The following POM121 variants were observed in gnomAD, a reference collection of about 807,000 sequenced individuals.
POM121 encodes nuclear envelope pore membrane protein POM 121.
A neutral mutation model predicts 81.3 loss-of-function variants in POM121; 32 were observed. The ratio of observed to expected loss-of-function variants is 0.39; its 90% confidence interval spans 0.30 to 0.53. POM121 has a LOEUF of 0.53. Ranked by LOEUF, POM121 falls within the 20% of genes least tolerant of loss-of-function variation. The pLI, the probability that POM121 is intolerant of heterozygous loss-of-function variation, is 0.66. For missense variants in POM121, 1,138 were observed against 1,614.6 expected (o/e 0.70, Z 5.06); for synonymous variants, 514 against 694.2 (o/e 0.74, Z 4.08).
chr7:72,928,506 A>C, intron 4 of POM121, 41 bp downstream of exon 4: 1 of 1,592,982 alleles, frequency 6.3e-7, no homozygotes, highest in Non-Finnish European at 8.6e-7. Flanking sequence ...AACTGTTTGG[A>C]AAAAGGCCTG....
At chr7:72,904,818 A>C (rs1389765408) in intron 3 of POM121, among the ~76,000 whole-genome samples, 1 of 152,174 alleles carries the variant, frequency 6.6e-6, no homozygotes, top group Non-Finnish European at 1.5e-5. Context: ...GGACACTTAC[A>C]ATCATGGTGG....
At chr7:72,933,632 G>A (rs1222511679) in intron 5 of POM121, among the ~76,000 whole-genome samples, 1 of 152,192 alleles carries the variant, frequency 6.6e-6, no homozygotes, top group Non-Finnish European at 1.5e-5. Flanking sequence ...AGTGTCAGTT[G>A]GTACAGCTCT....
rs1427887978 is a variant in POM121, at chr7:72,928,422, G to C, written c.1060G>C (p.Glu354Gln). 2 of 1,614,116 alleles carry C rather than the reference G, an allele frequency of 1.2e-6. No individual in the cohort carries two copies. Among genetic ancestry groups the C allele is most frequent in the Non-Finnish European group, 8.5e-7 (1 of 1,180,042 alleles). ...CAGTGGCAGTGGACATTCAGCATTT[G>C]AGCCCCTGGTGGCCAATGGAGTCCC... The part of the protein sequence containing the change: ...DSSGSGHSAF[E>Q]PLVANGVPAS... Residue 354 changes from glutamate to glutamine, a missense_variant, in exon 4 of 13, where the codon GAG (glutamate) becomes CAG (glutamine). Glu to Gln is a conservative substitution (Grantham distance 29). Around this residue, in one of 7 missense-constraint regions of POM121, gnomAD observed 646 missense variants for 633.5 expected, o/e 1.02. Transcript: ENST00000434423.
chr7:72,923,320 A>G (rs1795005341), upstream of POM121, among the ~76,000 whole-genome samples: 1 of 152,040 alleles, frequency 6.6e-6, no homozygotes, highest in South Asian at 2.1e-4. Flanking sequence ...ATACTGAACA[A>G]TTCCATCTCT....
In POM121 at chr7:72,945,724, C is replaced by T; in HGVS notation, c.3652+16C>T. On this transcript the variant is annotated intron_variant, in intron 12 of 12. Transcript: ENST00000434423. ...GCACCTTTCGGTAAGCAGCAAGCCA[C>T]CCTGTGGCCCTGCTCATCTGTCTGA... 2 of 1,605,412 alleles carry T rather than the reference C, an allele frequency of 1.2e-6. No individual in the cohort carries two copies. Among genetic ancestry groups the T allele is most frequent in the Non-Finnish European group, 1.7e-6 (2 of 1,175,818 alleles).
In POM121 at chr7:72,938,991, G is replaced by A. The variant is rs189348252; in HGVS notation, c.1367+310G>A. On this transcript the variant is annotated intron_variant, in intron 6 of 12. Transcript: ENST00000434423. ...AGCGGGCAGTCGCCTTCAGGTTCTT[G>A]ACTCGAGCTGACCCCCTAGGTGCTT... is the stretch of plus-strand genomic sequence containing the variant. Among the ~76,000 whole-genome samples, 334 of 152,320 alleles carry A rather than the reference G, an allele frequency of 2.2e-3. 2 individuals are homozygous for A. The highest frequency in any genetic ancestry group is 7.0e-3 in the African/African-American group (292 of 41,568).
chr7:72,938,749 C>T (rs369132294), intron 6 of POM121, 68 bp downstream of exon 6: 11 of 1,524,356 alleles, frequency 7.2e-6, no homozygotes, highest in South Asian at 5.6e-5. Flanking sequence ...AGGTGGGAAA[C>T]GAACCTGGCT....
intron 4 of POM121, among the ~76,000 whole-genome samples, chr7:72,915,042 G>A (rs1464966150): frequency 6.6e-6 from 1 of 152,092 alleles, no homozygotes; most frequent in Non-Finnish European, 1.5e-5. Flanking sequence ...GAGGCTTAGG[G>A]GCTCCAAACA....
At chr7:72,894,624 GAGGAGA>G (rs1383795493) in intron 3 of POM121, among the ~76,000 whole-genome samples, 2 of 102,918 alleles carry the variant, frequency 1.9e-5, no homozygotes, top group Admixed American at 2.4e-4. Flanking sequence ...ATGAGAGAGA[GAGGAGA>G]GAGAGAGAGA....
Position 72,939,331 on chromosome 7 carries a change from G to C in POM121, c.1368-5G>C. ...TAGACTAAATTGTTCCTTTTTTCCT[G>C]ACAGAGAAGAGGAGCTGTGTCATCA... On this transcript the variant is annotated splice_region_variant and splice_polypyrimidine_tract_variant and intron_variant, in intron 6 of 12. Coordinates refer to ENST00000434423, the MANE Select transcript of POM121 (RefSeq NM_001387691.1). 6.2e-7 allele frequency: 1 copy of C among 1,613,000 alleles called. No individual in the cohort carries two copies. The highest frequency in any genetic ancestry group is 8.5e-7 in the Non-Finnish European group (1 of 1,179,586).
In POM121 at chr7:72,930,103, A is replaced by G. The variant is rs782303487; in HGVS notation, c.1267A>G (p.Ile423Val). ...ITSSYSSTRG[I>V]SQLWKRNGPS... ...CAGTTCCTACAGCTCCACTCGAGGCATCTCACAGGTACAAGTACAGCTCTT... is the reference window on the plus strand; with the variant it reads ...CAGTTCCTACAGCTCCACTCGAGGCGTCTCACAGGTACAAGTACAGCTCTT... Residue 423 changes from isoleucine (I) to valine (V), a missense_variant, in exon 5 of 13, where the codon ATC becomes GTC. Ile to Val is a conservative substitution (Grantham distance 29, BLOSUM62 3). This residue lies in a region of POM121 where 646 missense variants were observed against 633.5 expected (regional missense o/e 1.02). Coordinates refer to ENST00000434423, the MANE Select transcript of POM121 (RefSeq NM_001387691.1). The G allele has an allele frequency of 1.2e-5, 19 of 1,610,136 alleles. No individual in the cohort carries two copies. Among genetic ancestry groups the G allele is most frequent in the Non-Finnish European group, 3.4e-6 (4 of 1,178,316 alleles).
downstream of POM121, chr7:72,949,758 A>T: frequency 1.2e-6 from 1 of 860,168 alleles, no homozygotes; most frequent in Non-Finnish European, 2.0e-6. Flanking sequence ...GGAAAGAGTT[A>T]AGCGAAAGTC....
intron 1 of POM121, among the ~76,000 whole-genome samples, chr7:72,880,098 C>G (rs1446499371): frequency 4.6e-5 from 7 of 152,194 alleles, no homozygotes; most frequent in Admixed American, 4.6e-4. Context: ...GGTGTCACCA[C>G]CCTCAGCTGC....
downstream of POM121, chr7:72,949,254 C>G: frequency 1.2e-6 from 1 of 825,126 alleles, no homozygotes; most frequent in South Asian, 1.3e-5. Flanking sequence ...ACAGATGACT[C>G]CAGGTCTAAG....
chr7:72,948,764 G>T (rs781939957), downstream of POM121: 1 of 1,577,784 alleles, frequency 6.3e-7, no homozygotes, highest in Non-Finnish European at 8.7e-7. Context: ...ACCCGGGAAC[G>T]TGCTCAGGCC....
upstream of POM121, chr7:72,924,509 CTT>C (rs1475918287): frequency 1.3e-5 from 2 of 152,184 alleles, no homozygotes; most frequent in East Asian, 3.9e-4. Context: ...TTTAAACTAT[CTT>C]TATGGTGCTA....
At chr7:72,931,764 T>G (rs571516510) in intron 5 of POM121, among the ~76,000 whole-genome samples, 1 of 152,092 alleles carries the variant, frequency 6.6e-6, no homozygotes, top group Non-Finnish European at 1.5e-5. Context: ...AGAGACGAGA[T>G]TTCACCATGT....
intron 1 of POM121, among the ~76,000 whole-genome samples, chr7:72,887,631 A>T (rs1157370589): frequency 6.6e-6 from 1 of 152,194 alleles, no homozygotes; most frequent in Non-Finnish European, 1.5e-5. Flanking sequence ...GTTCAAGACC[A>T]GCCTGGCCAA....
chr7:72,887,803 G>A (rs1790882822), intron 1 of POM121, among the ~76,000 whole-genome samples: 1 of 152,144 alleles, frequency 6.6e-6, no homozygotes, highest in Admixed American at 6.5e-5. Flanking sequence ...CTCCAGCCTG[G>A]AAGACAAGAG....
Sources: gnomAD v4.1 joint callset for allele counts (sites outside exome capture counted in the v4.1 genomes callset) on GRCh38, gnomAD v4.1.1 for gene constraint, gnomAD v4.1.1 regional missense constraint, MANE v1.5 for transcripts, NCBI Gene and HGNC (gene_info 2026-07-23, HGNC 2026-07-21) for gene names.